Variants in PKN2 observed in about 807,000 individuals in gnomAD.
PKN2 encodes the protein protein kinase N2.
In PKN2, 38 loss-of-function variants were observed where a neutral mutation model predicts 119.1. That is an observed-to-expected ratio of 0.32 (90% confidence interval 0.25 to 0.42). The LOEUF (loss-of-function observed/expected upper bound fraction) is 0.42. Among genes scored for constraint, PKN2 ranks in the 10% least tolerant of loss-of-function variants. The probability of loss-of-function intolerance (pLI) is 1.00; values close to 1 mark genes in which losing one functional copy is unlikely to be tolerated. For synonymous variants in PKN2, 390 were observed against 384.9 expected (o/e 1.01, Z -0.15); for missense variants, 850 against 1,165.1 (o/e 0.73, Z 3.94).
chr1:88,721,158 T>A (rs141848282), intron 1 of PKN2, among the ~76,000 whole-genome samples: 2,919 of 152,236 alleles, frequency 0.019, 92 homozygotes, highest in African/African-American at 0.066. Flanking sequence ...GATTGCTGGA[T>A]CAAATGGTAG....
chr1:88,718,244 G>T (rs543732124), intron 1 of PKN2, among the ~76,000 whole-genome samples: 1 of 152,340 alleles, frequency 6.6e-6, no homozygotes, highest in South Asian at 2.1e-4. Flanking sequence ...CTACTAGGAG[G>T]TGTCTCCCAG....
At chr1:88,722,361 T>G (rs940623241) in intron 1 of PKN2, among the ~76,000 whole-genome samples, 8 of 152,210 alleles carry the variant, frequency 5.3e-5, no homozygotes, top group East Asian at 1.9e-4. Context: ...AGGTCTGTCT[T>G]TATTTCTGAT....
intron 2 of PKN2, among the ~76,000 whole-genome samples, chr1:88,750,010 A>G (rs1310555540): frequency 1.3e-5 from 2 of 152,224 alleles, no homozygotes; most frequent in Non-Finnish European, 2.9e-5. Flanking sequence ...ATTCAGCTGC[A>G]CTATTAAATG....
intron 2 of PKN2, among the ~76,000 whole-genome samples, chr1:88,744,982 A>T (rs1417844223): frequency 5.9e-5 from 9 of 152,184 alleles, no homozygotes; most frequent in Non-Finnish European, 1.3e-4. Flanking sequence ...TCTTCTAAAT[A>T]CTTTAAAGAT....
chr1:88,818,710 C>T (rs899310188), intron 16 of PKN2, among the ~76,000 whole-genome samples: 13 of 151,508 alleles, frequency 8.6e-5, no homozygotes, highest in East Asian at 1.9e-4. Context: ...CAAAAGAGCC[C>T]GTATAGCCAA....
intron 2 of PKN2, among the ~76,000 whole-genome samples, chr1:88,756,747 G>A (rs1344672832): frequency 3.9e-5 from 6 of 152,122 alleles, no homozygotes; most frequent in South Asian, 2.1e-4. Flanking sequence ...GTTATAATGC[G>A]TAGTTCAATT....
intron 19 of PKN2, chr1:88,829,052 G>A (rs1044809814): frequency 3.1e-6 from 2 of 654,400 alleles, no homozygotes; most frequent in Non-Finnish European, 5.8e-6. Context: ...GCTTCACCGG[G>A]AAACTACTGA....
intron 1 of PKN2, among the ~76,000 whole-genome samples, chr1:88,686,992 C>T (rs1175255764): frequency 6.6e-6 from 1 of 152,050 alleles, no homozygotes; most frequent in African/African-American, 2.4e-5. Context: ...TGCTATGTAT[C>T]CTGTCTCAGG....
At position 88,684,431 on chromosome 1, in the gene PKN2, C is replaced by T; in HGVS notation, c.-150C>T. 3.0e-6 allele frequency: 2 copies of T among 677,200 alleles called. No individual in the cohort carries two copies. The highest frequency in any genetic ancestry group is 2.4e-6 in the Non-Finnish European group (1 of 422,020). The allele number at this position is 677,200 out of a possible 1,614,324, so 41.9% of individuals were successfully genotyped here. Reference sequence around the variant, plus strand: ...ATGAACCGGACGGAATAAGCCGCGCCTCCAGCAGGGGCTGCGCCTCCATGA... The same window carrying T: ...ATGAACCGGACGGAATAAGCCGCGCTTCCAGCAGGGGCTGCGCCTCCATGA... On this transcript the variant is annotated 5_prime_UTR_variant, in exon 1 of 22. Coordinates refer to ENST00000370521, the MANE Select transcript of PKN2 (RefSeq NM_006256.4).
At chr1:88,733,350 A>G (rs931107149) in intron 1 of PKN2, among the ~76,000 whole-genome samples, 2 of 151,308 alleles carry the variant, frequency 1.3e-5, no homozygotes, top group East Asian at 1.9e-4. Context: ...AACACCTGCT[A>G]TCTTTTGATT....
intron 8 of PKN2, among the ~76,000 whole-genome samples, chr1:88,796,401 A>G (rs1671067511): frequency 1.3e-5 from 2 of 152,212 alleles, no homozygotes; most frequent in Non-Finnish European, 2.9e-5. Flanking sequence ...TTCAAGTTAA[A>G]GACCAAATTC....
At chr1:88,831,829 A>G (rs903167374) in intron 19 of PKN2, among the ~76,000 whole-genome samples, 1 of 152,046 alleles carries the variant, frequency 6.6e-6, no homozygotes, top group Non-Finnish European at 1.5e-5. Flanking sequence ...GAATTAAATG[A>G]TATTTAGACA....
chr1:88,770,190 CT>C (rs1306969168), intron 3 of PKN2, among the ~76,000 whole-genome samples, 161 bp from the exon 4 acceptor site: 1 of 152,120 alleles, frequency 6.6e-6, no homozygotes, highest in African/African-American at 2.4e-5. Context: ...TTTGATGGCT[CT>C]TTTTTAGTAA....
intron 3 of PKN2, among the ~76,000 whole-genome samples, chr1:88,766,795 A>T (rs975120238): frequency 6.6e-6 from 1 of 152,204 alleles, no homozygotes; most frequent in Non-Finnish European, 1.5e-5. Context: ...ATGCCTGAAA[A>T]CATAAAACTG....
At position 88,760,212 on chromosome 1, in the gene PKN2, T is replaced by G. The variant is rs201132242; in HGVS notation, c.350-10T>G. 576 of 1,450,154 alleles carry G rather than the reference T, an allele frequency of 4.0e-4. 1 individual carries two copies. The highest frequency in any genetic ancestry group is 5.2e-4 in the Non-Finnish European group (550 of 1,050,664). The allele number at this position is 1,450,154 out of a possible 1,614,324, so 89.8% of individuals were successfully genotyped here. On this transcript the variant is annotated splice_polypyrimidine_tract_variant and intron_variant, in intron 2 of 21. Transcript: ENST00000370521. ...TCTAATAAGTAATTTTAACAATATT[T>G]TATTTACAGATTGCCCAAGGACTCC... is the stretch of plus-strand genomic sequence containing the variant.
chr1:88,691,919 A>G (rs1268105602), intron 1 of PKN2, among the ~76,000 whole-genome samples: 3 of 152,058 alleles, frequency 2.0e-5, no homozygotes, highest in Non-Finnish European at 4.4e-5. Flanking sequence ...ACTGTGCCTA[A>G]TTTATAAATT....
Position 88,742,146 on chromosome 1 carries a change from A to AT in PKN2, c.349+865dup, listed in dbSNP as rs959813266. The stretch of plus-strand genomic sequence containing the variant: ...ACATTATCAATCTCTGTAACTGTCA[A>AT]TTTTTTTATTTGCAAAGAAAAAGAG... On this transcript the variant is annotated intron_variant, in intron 2 of 21. Transcript: ENST00000370521. Among the ~76,000 whole-genome samples the AT allele has an allele frequency of 6.2e-3, 951 of 152,236 alleles. 12 individuals are homozygous for AT. The highest frequency in any genetic ancestry group is 0.022 in the African/African-American group (904 of 41,578).
chr1:88,833,280 A>G lies in PKN2; in HGVS notation c.2787A>G (p.Val929=). Residue 929 remains valine, a synonymous_variant, in exon 22 of 22, where the codon GTA becomes GTG. Coordinates refer to ENST00000370521, the MANE Select transcript of PKN2 (RefSeq NM_006256.4). ...IDWSALMDKK[V]KPPFIPTIRG... Reference sequence around the variant, plus strand: ...GGAGCGCTCTGATGGACAAAAAAGTAAAGCCACCATTTATACCTACCATAA... The same window carrying G: ...GGAGCGCTCTGATGGACAAAAAAGTGAAGCCACCATTTATACCTACCATAA... 6.2e-7 allele frequency: 1 copy of G among 1,613,420 alleles called. No individual in the cohort carries two copies. The highest frequency in any genetic ancestry group is 8.5e-7 in the Non-Finnish European group (1 of 1,179,498).
At chr1:88,723,237 AT>A (rs1667760983) in intron 1 of PKN2, among the ~76,000 whole-genome samples, 1 of 145,548 alleles carries the variant, frequency 6.9e-6, no homozygotes, top group African/African-American at 2.6e-5. Context: ...CCTCAGCCTC[AT>A]GAGTAGCTGG....
Sources: gnomAD v4.1 joint callset for allele counts (sites outside exome capture counted in the v4.1 genomes callset) on GRCh38, gnomAD v4.1.1 for gene constraint, MANE v1.5 for transcripts, NCBI Gene and HGNC (gene_info 2026-07-23, HGNC 2026-07-21) for gene names.